GET3: variants seen among roughly 807,000 people sequenced by gnomAD.
The protein encoded by GET3 is guided entry of tail-anchored proteins factor 3, ATPase, also known as ATPase GET3.
A neutral mutation model predicts 32.4 loss-of-function variants in GET3; 15 were observed. That is an observed-to-expected ratio of 0.46 (90% confidence interval 0.31 to 0.71). The LOEUF (loss-of-function observed/expected upper bound fraction) is 0.71, where lower values mean the gene tolerates loss of function less well. GET3 is among the 30% of genes least tolerant of loss of function. GET3 has a pLI of 0.05. For missense variants in GET3, 333 were observed against 459.0 expected, an observed-to-expected ratio of 0.73 and a Z score of 2.51; for synonymous variants, 198 against 185.6, an observed-to-expected ratio of 1.07 and a Z score of -0.54.
At position 12,743,659 on chromosome 19, in the gene GET3, G is replaced by A. The variant is rs563349754; in HGVS notation, c.310-1718G>A. On this transcript the variant is annotated intron_variant, in intron 2 of 6. Coordinates refer to ENST00000357332, the MANE Select transcript of GET3 (RefSeq NM_004317.4). The stretch of plus-strand genomic sequence containing the variant: ...CAAAAAATTAGCCAGGTGTGGTGGC[G>A]GGCGCCTGTAGTCCCAGCTACTCAC... Among the ~76,000 whole-genome samples, 526 of 149,444 alleles carry A rather than the reference G, an allele frequency of 3.5e-3. 7 individuals are homozygous for A. Among genetic ancestry groups the A allele is most frequent in the Non-Finnish European group, 3.3e-3 (220 of 67,222 alleles).
intron 2 of GET3, among the ~76,000 whole-genome samples, chr19:12,743,154 C>T (rs923872837): frequency 6.6e-6 from 1 of 152,154 alleles, no homozygotes. Flanking sequence ...ATGAAGTTAC[C>T]AAGAAGAGGT....
intron 4 of GET3, among the ~76,000 whole-genome samples, chr19:12,746,430 G>T (rs1309590838): frequency 5.9e-5 from 9 of 152,088 alleles, no homozygotes; most frequent in Admixed American, 5.9e-4. Context: ...ACTGTGCCCA[G>T]CCCCCATGGG....
Position 12,747,402 on chromosome 19 carries a change from C to A in GET3, c.725C>A (p.Thr242Lys), listed in dbSNP as rs765623664. Residue 242 changes from threonine (T) to lysine (K), a missense_variant, in exon 6 of 7, where the codon ACA becomes AAA. This residue lies in a region of GET3 where 230 missense variants were observed against 389.2 expected (regional missense o/e 0.59). Transcript: ENST00000357332. This position sits in a 1 kb window ranked among gnomAD's most constrained non-coding sequence, Gnocchi z 4.0. ...VSEQFKDPEQ[T>K]TFICVCIAEF... is the part of the protein sequence containing the mutation. Reference sequence around the variant, plus strand: ...CTCTCTCGTGCCCTGTAGGAGCAGACAACTTTCATCTGCGTATGCATTGCT... The same window carrying A: ...CTCTCTCGTGCCCTGTAGGAGCAGAAAACTTTCATCTGCGTATGCATTGCT... 6.2e-7 allele frequency: 1 copy of A among 1,614,164 alleles called. No individual in the cohort carries two copies. Among genetic ancestry groups the A allele is most frequent in the East Asian group, 2.2e-5 (1 of 44,894 alleles).
In GET3 at chr19:12,745,425, G is replaced by C. The variant is rs760898791; in HGVS notation, c.358G>C (p.Glu120Gln). The C allele has an allele frequency of 2.5e-6, 4 of 1,612,626 alleles. No individual in the cohort carries two copies. In the Admixed American group the frequency reaches 6.7e-5, roughly 27 times the overall value. ...GGCGGAGCTGCCTGACGAGTTCTTC[G>C]AGGAGGACAACATGCTGAGCATGGG... ...GVAELPDEFF[E>Q]EDNMLSMGKK... Residue 120 changes from glutamate to glutamine, a missense_variant, in exon 3 of 7, where the codon GAG (glutamate) becomes CAG (glutamine). Physicochemically the swap from Glu to Gln is conservative, Grantham distance 29 (BLOSUM62 2). Coordinates refer to ENST00000357332, the MANE Select transcript of GET3 (RefSeq NM_004317.4). The surrounding 1 kb of genome is among the most constrained non-coding windows in gnomAD (Gnocchi z 5.0).
At chr19:12,738,096 G>A (rs573135056) in intron 1 of GET3, among the ~76,000 whole-genome samples, 2 of 152,286 alleles carry the variant, frequency 1.3e-5, no homozygotes, top group East Asian at 3.9e-4. Context: ...GCAGCTACAG[G>A]CAGGAGGTGT....
In GET3 at chr19:12,747,836, T is replaced by C. The variant is rs1026063841; in HGVS notation, c.916-137T>C. ...ACCATAGTGATGCAGCTCCCACTTA[T>C]GACACCTTAAGCTCCTGCCCTATAT... On this transcript the variant is annotated intron_variant, in intron 6 of 6. Coordinates refer to ENST00000357332, the MANE Select transcript of GET3 (RefSeq NM_004317.4). The surrounding 1 kb of genome is among the most constrained non-coding windows in gnomAD (Gnocchi z 4.0). 13 of 1,056,566 alleles carry C rather than the reference T, an allele frequency of 1.2e-5. No individual in the cohort carries two copies. The highest frequency in any genetic ancestry group is 4.8e-5 in the East Asian group (2 of 41,900). 65.4% of individuals were successfully genotyped at this position (1,056,566 alleles called of 1,614,324 possible).
At chr19:12,740,023 G>T (rs1967636511) in intron 2 of GET3, among the ~76,000 whole-genome samples, 1 of 151,810 alleles carries the variant, frequency 6.6e-6, no homozygotes, top group African/African-American at 2.4e-5. Flanking sequence ...GATTACAGGT[G>T]CCTACCACCA....
In GET3 at chr19:12,747,520, C is replaced by T; in HGVS notation, c.843C>T (p.Val281=). The change falls in exon 6 of 7, where the codon GTC becomes GTT. Residue 281 remains valine (V), a synonymous_variant. Coordinates refer to ENST00000357332, the MANE Select transcript of GET3 (RefSeq NM_004317.4). This position sits in a 1 kb window ranked among gnomAD's most constrained non-coding sequence, Gnocchi z 4.0. ...ACAATATAATTGTCAACCAGCTCGTCTTCCCCGACCCCGAGAAGCCCTGCA... is the reference window on the plus strand; with the variant it reads ...ACAATATAATTGTCAACCAGCTCGTTTTCCCCGACCCCGAGAAGCCCTGCA... The part of the protein sequence containing the change: ...DTHNIIVNQL[V]FPDPEKPCKM... The T allele has an allele frequency of 1.2e-6, 2 of 1,614,096 alleles. No individual in the cohort carries two copies. The highest frequency in any genetic ancestry group is 1.7e-6 in the Non-Finnish European group (2 of 1,180,016).
In GET3 at chr19:12,748,089, C is replaced by A; in HGVS notation, c.1032C>A (p.Pro344=). 1 of 1,599,966 alleles carries A rather than the reference C, an allele frequency of 6.3e-7. No individual in the cohort carries two copies. Among genetic ancestry groups the A allele is most frequent in the Non-Finnish European group, 8.5e-7 (1 of 1,170,468 alleles). ...CCCTCCTCCTGGAGCCCTACAAGCC[C>A]CCCAGTGCCCAGTAGCACAGCTGCC... ...FSALLLEPYK[P]PSAQ Residue 344 remains proline (P), a synonymous_variant, in exon 7 of 7, where the codon CCC becomes CCA. Coordinates refer to ENST00000357332, the MANE Select transcript of GET3 (RefSeq NM_004317.4).
At chr19:12,739,672 G>A (rs1037161433) in intron 2 of GET3, among the ~76,000 whole-genome samples, 5 of 152,178 alleles carry the variant, frequency 3.3e-5, no homozygotes, top group Admixed American at 3.3e-4. Context: ...CATCATGACA[G>A]TAGCTTGTTT....
At chr19:12,746,601 C>G (rs8177491) in intron 4 of GET3, among the ~76,000 whole-genome samples, 5,465 of 152,302 alleles carry the variant, frequency 0.036, 329 homozygotes, top group African/African-American at 0.12. Context: ...ACACTATTCT[C>G]AGCACATTAT....
In GET3 at chr19:12,745,957, C is replaced by G. The variant is rs1036741839; in HGVS notation, c.609+198C>G. 6.6e-6 allele frequency among the ~76,000 whole-genome samples: 1 copy of G among 152,140 alleles called. No individual in the cohort carries two copies. Among genetic ancestry groups the G allele is most frequent in the East Asian group, 1.9e-4 (1 of 5,180 alleles). ...AGGACTCAGTGTCCCTGCCCCTGCC[C>G]GCTAAATACCCTAGACAGAGCCAGA... is the stretch of plus-strand genomic sequence containing the variant. On this transcript the variant is annotated intron_variant, in intron 4 of 6. Coordinates refer to ENST00000357332, the MANE Select transcript of GET3 (RefSeq NM_004317.4). This position sits in a 1 kb window ranked among gnomAD's most constrained non-coding sequence, Gnocchi z 5.0.
intron 2 of GET3, among the ~76,000 whole-genome samples, chr19:12,740,203 A>T (rs1350356103): frequency 6.6e-6 from 1 of 151,746 alleles, no homozygotes; most frequent in Non-Finnish European, 1.5e-5. Flanking sequence ...TAACACGGTG[A>T]AAGCCCATCT....
At chr19:12,738,277 C>T (rs1967609138) in intron 1 of GET3, among the ~76,000 whole-genome samples, 1 of 152,162 alleles carries the variant, frequency 6.6e-6, no homozygotes, top group Non-Finnish European at 1.5e-5. Context: ...CTAGGCCAGA[C>T]AGACTCAGTC....
chr19:12,744,833 G>T (rs1393252791), intron 2 of GET3, among the ~76,000 whole-genome samples: 1 of 152,122 alleles, frequency 6.6e-6, no homozygotes, highest in Non-Finnish European at 1.5e-5. Context: ...GCCCAGGCTG[G>T]TGTCCAACTC....
In GET3 at chr19:12,745,261, C is replaced by T; in HGVS notation, c.310-116C>T. 1 of 1,276,718 alleles carries T rather than the reference C, an allele frequency of 7.8e-7. No homozygotes were observed. The highest frequency in any genetic ancestry group is 1.1e-6 in the Non-Finnish European group (1 of 924,348). 79.1% of individuals were successfully genotyped at this position (1,276,718 alleles called of 1,614,324 possible). A position where few individuals can be genotyped will look rare whatever the true frequency, so the allele number is the denominator to read the frequency against. On this transcript the variant is annotated intron_variant, in intron 2 of 6. Transcript: ENST00000357332. The surrounding 1 kb of genome is among the most constrained non-coding windows in gnomAD (Gnocchi z 5.0). ...TGAAATGCCTGTGGTCACAGCCCAC[C>T]ACAGGCTCCCTCTGGCCCTGTGCCC...
At position 12,748,015 on chromosome 19, in the gene GET3, C is replaced by T; in HGVS notation, c.958C>T (p.Leu320=). The T allele has an allele frequency of 6.2e-7, 1 of 1,612,044 alleles. No homozygotes were observed. Among genetic ancestry groups the T allele is most frequent in the Non-Finnish European group, 8.5e-7 (1 of 1,178,576 alleles). ...YEDFHIVKLP[L]LPHEVRGADK... ...AGACTTCCACATCGTGAAGCTGCCG[C>T]TGTTACCCCATGAGGTGCGGGGGGC... is the stretch of plus-strand genomic sequence containing the variant. Residue 320 remains leucine, a synonymous_variant, in exon 7 of 7, where the codon CTG becomes TTG. Coordinates refer to ENST00000357332, the MANE Select transcript of GET3 (RefSeq NM_004317.4).
At position 12,747,725 on chromosome 19, in the gene GET3, C is replaced by T. The variant is rs143381243; in HGVS notation, c.915+133C>T. ...GCCCCCACATTTCAGATCCTTCACC[C>T]TTATTCCGGCCATAGAGGACTGTGG... On this transcript the variant is annotated intron_variant, in intron 6 of 6. Transcript: ENST00000357332. The surrounding 1 kb of genome is among the most constrained non-coding windows in gnomAD (Gnocchi z 4.0). 1.6e-3 allele frequency: 2,059 copies of T among 1,258,010 alleles called. 7 individuals carry two copies. Among genetic ancestry groups the T allele is most frequent in the Non-Finnish European group, 2.2e-3 (1,967 of 914,870 alleles). The allele number at this position is 1,258,010 out of a possible 1,614,324, so 77.9% of individuals were successfully genotyped here.
chr19:12,741,685 G>A (rs1330294292), intron 2 of GET3, among the ~76,000 whole-genome samples: 1 of 151,948 alleles, frequency 6.6e-6, no homozygotes, highest in Non-Finnish European at 1.5e-5. Context: ...CTTGAACCTG[G>A]GAGACGGAGG....
Sources: gnomAD v4.1 joint callset for allele counts (sites outside exome capture counted in the v4.1 genomes callset) on GRCh38, gnomAD v4.1.1 for gene constraint, gnomAD v4.1.1 regional missense constraint, Gnocchi (gnomAD v3.1) non-coding constraint, MANE v1.5 for transcripts, NCBI Gene and HGNC (gene_info 2026-07-23, HGNC 2026-07-21) for gene names.